The following TNFSF11 variants were observed in gnomAD, a reference collection of about 807,000 sequenced individuals.
The protein encoded by TNFSF11 is tumor necrosis factor ligand superfamily member 11.
Under a neutral mutation model 32.2 loss-of-function variants are expected in TNFSF11, and 12 were observed. The observed-to-expected ratio is 0.37, with a 90% CI of 0.24 to 0.60. TNFSF11 has a LOEUF of 0.60. TNFSF11 is among the 20% of genes least tolerant of loss of function. The pLI is 0.66. For synonymous variants in TNFSF11, 172 were observed against 152.1 expected (o/e 1.13, Z -0.96); for missense variants, 345 against 398.0 (o/e 0.87, Z 1.13).
chr13:42,603,374 A>G (rs925752241), intron 4 of TNFSF11, among the ~76,000 whole-genome samples: 3 of 152,142 alleles, frequency 2.0e-5, no homozygotes, highest in Admixed American at 6.6e-5. Context: ...GAAAGCTGGC[A>G]GGCTGGAGTC....
chr13:42,605,013 G>A (rs888875844), intron 4 of TNFSF11, among the ~76,000 whole-genome samples: 5 of 151,948 alleles, frequency 3.3e-5, no homozygotes, highest in East Asian at 1.9e-4. Flanking sequence ...TCGAACTCCC[G>A]ACCTCATGAT....
intron 1 of TNFSF11, among the ~76,000 whole-genome samples, chr13:42,564,335 A>C (rs1265775926): frequency 6.6e-6 from 1 of 152,154 alleles, no homozygotes; most frequent in African/African-American, 2.4e-5. Flanking sequence ...TGGGAGGCCA[A>C]GGCAGGTGGA....
chr13:42,579,563 T>G (rs923544005), intron 1 of TNFSF11, among the ~76,000 whole-genome samples: 2 of 152,158 alleles, frequency 1.3e-5, no homozygotes, highest in African/African-American at 2.4e-5. Flanking sequence ...CATTATTCCT[T>G]TGGCTCAGCA....
At chr13:42,584,530 T>C (rs1172792832) in intron 2 of TNFSF11, among the ~76,000 whole-genome samples, 1 of 152,196 alleles carries the variant, frequency 6.6e-6, no homozygotes, top group Non-Finnish European at 1.5e-5. Flanking sequence ...TCTAAGTGAC[T>C]CCTTAGGTAG....
intron 1 of TNFSF11, among the ~76,000 whole-genome samples, chr13:42,575,101 G>T (rs560479977): frequency 1.9e-4 from 29 of 152,284 alleles, no homozygotes; most frequent in South Asian, 2.1e-4. Flanking sequence ...GACACGGCGC[G>T]ACCAGAGAGG....
intron 2 of TNFSF11, among the ~76,000 whole-genome samples, chr13:42,598,856 G>A (rs928859662): frequency 6.6e-6 from 1 of 152,216 alleles, no homozygotes; most frequent in African/African-American, 2.4e-5. Flanking sequence ...CTGTTGTGAA[G>A]GCAGGGGAGA....
upstream of TNFSF11, among the ~76,000 whole-genome samples, chr13:42,569,917 CT>C (rs1219205311): frequency 1.3e-5 from 2 of 151,610 alleles, no homozygotes; most frequent in Non-Finnish European, 1.5e-5. Context: ...TTTCTCCCTA[CT>C]TTTTTTTGAA....
chr13:42,585,151 T>C (rs997440704), intron 2 of TNFSF11, among the ~76,000 whole-genome samples: 10 of 152,252 alleles, frequency 6.6e-5, no homozygotes, highest in Non-Finnish European at 1.3e-4. Flanking sequence ...TAATGTGACA[T>C]TCTACACATC....
intron 2 of TNFSF11, among the ~76,000 whole-genome samples, chr13:42,597,783 A>G (rs1868903381): frequency 6.6e-6 from 1 of 152,188 alleles, no homozygotes; most frequent in Non-Finnish European, 1.5e-5. Context: ...GGTGCAATGC[A>G]TACATGCTCA....
intron 2 of TNFSF11, among the ~76,000 whole-genome samples, chr13:42,583,734 A>G (rs1165544589): frequency 3.3e-5 from 5 of 152,142 alleles, no homozygotes; most frequent in Non-Finnish European, 7.4e-5. Flanking sequence ...GATTAAACAT[A>G]AGAGCATGTT....
rs768877044 is a variant in TNFSF11, at chr13:42,581,254, T to C, written c.348T>C (p.Cys116=). 3.7e-6 allele frequency: 6 copies of C among 1,614,076 alleles called. No homozygotes were observed. The South Asian group carries it at 6.6e-5, about 18-fold the overall frequency. Residue 116 remains cysteine, a synonymous_variant, in exon 2 of 5, where the codon TGT becomes TGC. Transcript: ENST00000398795. The part of the protein sequence containing the change: ...SQDTKLIPDS[C]RRIKQAFQGA... ...ATACAAAATTAATACCTGATTCATG[T>C]AGGAGAATTAAACAGGCCTTTCAAG... is the stretch of plus-strand genomic sequence containing the variant.
At chr13:42,584,044 TG>T (rs978463077) in intron 2 of TNFSF11, among the ~76,000 whole-genome samples, 6 of 152,158 alleles carry the variant, frequency 3.9e-5, no homozygotes, top group African/African-American at 1.4e-4. Context: ...AATTTTTAAA[TG>T]CTCTAAAAAT....
intron 2 of TNFSF11, among the ~76,000 whole-genome samples, chr13:42,589,258 C>T (rs905409075): frequency 2.0e-5 from 3 of 152,170 alleles, no homozygotes; most frequent in African/African-American, 2.4e-5. Flanking sequence ...TTCACCCACT[C>T]TTCACCTCTC....
At chr13:42,583,689 A>G (rs773312331) in intron 2 of TNFSF11, among the ~76,000 whole-genome samples, 15 of 152,050 alleles carry the variant, frequency 9.9e-5, no homozygotes, top group Non-Finnish European at 2.1e-4. Flanking sequence ...TTTAAATAAC[A>G]TTTTACATTT....
intron 1 of TNFSF11, among the ~76,000 whole-genome samples, chr13:42,576,211 G>A (rs1268497329): frequency 6.6e-6 from 1 of 152,230 alleles, no homozygotes; most frequent in Admixed American, 6.5e-5. Context: ...AATGTTGAAC[G>A]AGCAGTAGGA....
intron 1 of TNFSF11, among the ~76,000 whole-genome samples, chr13:42,580,155 A>G (rs1237230181): frequency 1.3e-5 from 2 of 152,210 alleles, no homozygotes; most frequent in Non-Finnish European, 2.9e-5. Flanking sequence ...TTGAATATTT[A>G]ACAAACAAAG....
At position 42,606,432 on chromosome 13, in the gene TNFSF11, A is replaced by G. The variant is rs1233065115; in HGVS notation, c.533-65A>G. ...CTATTTTTTCTCCCTAACCTCATAG[A>G]ATTGTGAAGACGTCCTTCTCATTTA... On this transcript the variant is annotated intron_variant, in intron 4 of 4. Transcript: ENST00000398795. The G allele has an allele frequency of 4.4e-6, 7 of 1,596,654 alleles. No individual in the cohort carries two copies. The East Asian group carries it at 1.1e-4, about 25-fold the overall frequency.
upstream of TNFSF11, among the ~76,000 whole-genome samples, chr13:42,571,279 G>A (rs900334698): frequency 9.2e-5 from 14 of 152,324 alleles, no homozygotes; most frequent in South Asian, 6.2e-4. Context: ...AGAGATGAGC[G>A]CTCCAGTTAG....
chr13:42,580,998 A>G, intron 1 of TNFSF11, 128 bp from the exon 2 acceptor site: 2 of 940,686 alleles, frequency 2.1e-6, no homozygotes, highest in Non-Finnish European at 3.4e-6. Flanking sequence ...TCATTGTATT[A>G]ACTATTCATT....
Sources: allele counts gnomAD v4.1 joint callset (sites outside exome capture counted in the v4.1 genomes callset), GRCh38; gene constraint gnomAD v4.1.1; transcripts MANE v1.5; gene names NCBI Gene and HGNC (gene_info 2026-07-23, HGNC 2026-07-21).